The following CACNA1D variants were observed in gnomAD, a reference collection of about 807,000 sequenced individuals.
CACNA1D encodes the protein voltage-dependent L-type calcium channel subunit alpha-1D.
A neutral mutation model predicts 257.1 loss-of-function variants in CACNA1D; 55 were observed. That is an observed-to-expected ratio of 0.21 (90% CI 0.17 to 0.27). The LOEUF is 0.27. Among genes scored for constraint, CACNA1D ranks in the 10% least tolerant of loss-of-function variants. The probability of loss-of-function intolerance (pLI) is 1.00; values close to 1 mark genes in which losing one functional copy is unlikely to be tolerated. For missense variants in CACNA1D, 1,876 were observed against 2,784.0 expected (o/e 0.67, Z 7.34); for synonymous variants, 980 against 1,014.9 (o/e 0.97, Z 0.65).
intron 8 of CACNA1D, among the ~76,000 whole-genome samples, chr3:53,691,032 T>G (rs750025440): frequency 9.2e-5 from 14 of 152,238 alleles, no homozygotes; most frequent in Non-Finnish European, 1.6e-4. Flanking sequence ...GTAGCAGTAT[T>G]TGAAACCTGT....
intron 3 of CACNA1D, among the ~76,000 whole-genome samples, chr3:53,520,895 T>TTTC (rs1553713023): frequency 0.042 from 3,592 of 86,312 alleles, 61 homozygotes; most frequent in East Asian, 0.092. Flanking sequence ...TCTTTCTTTC[T>TTTC]TTTCTTTTCT....
chr3:53,542,088 A>G (rs184847370), intron 3 of CACNA1D, among the ~76,000 whole-genome samples: 4 of 152,314 alleles, frequency 2.6e-5, no homozygotes, highest in Non-Finnish European at 1.5e-5. Context: ...TGCTGGTTGC[A>G]TATATCTGTG....
At chr3:53,634,478 C>T (rs371201246) in intron 3 of CACNA1D, among the ~76,000 whole-genome samples, 12 of 152,272 alleles carry the variant, frequency 7.9e-5, no homozygotes, top group African/African-American at 2.9e-4. Context: ...TCTGAGTCTT[C>T]AATACCATTT....
At chr3:53,647,086 T>C (rs2680659) in intron 3 of CACNA1D, among the ~76,000 whole-genome samples, 16,825 of 152,042 alleles carry the variant, frequency 0.11, 1,256 homozygotes, top group African/African-American at 0.21. Context: ...ATTTCAGCCT[T>C]TGTTTCTCTA....
At chr3:53,533,590 G>C (rs946608786) in intron 3 of CACNA1D, among the ~76,000 whole-genome samples, 1 of 152,220 alleles carries the variant, frequency 6.6e-6, no homozygotes, top group Non-Finnish European at 1.5e-5. Flanking sequence ...AGGCAGACCT[G>C]GGATTCCCAG....
chr3:53,694,338 G>A (rs2094554666), intron 8 of CACNA1D, among the ~76,000 whole-genome samples: 1 of 152,184 alleles, frequency 6.6e-6, no homozygotes. Flanking sequence ...AGAGATGAGC[G>A]GAAAGGGGGC....
chr3:53,670,960 G>A (rs1430652628), intron 7 of CACNA1D, among the ~76,000 whole-genome samples: 6 of 152,162 alleles, frequency 3.9e-5, no homozygotes, highest in Non-Finnish European at 7.4e-5. Flanking sequence ...GAGCAAGACC[G>A]TTCTCAGAGC....
chr3:53,574,780 C>A (rs560289405), intron 3 of CACNA1D, among the ~76,000 whole-genome samples: 2 of 152,134 alleles, frequency 1.3e-5, no homozygotes, highest in Non-Finnish European at 1.5e-5. Flanking sequence ...ACCCAACCTG[C>A]AGGTTTGCTT....
intron 3 of CACNA1D, among the ~76,000 whole-genome samples, chr3:53,648,960 T>C (rs1256101144): frequency 6.6e-6 from 1 of 152,070 alleles, no homozygotes; most frequent in Non-Finnish European, 1.5e-5. Flanking sequence ...AGCCCTGTCC[T>C]TGGAAGGAAG....
chr3:53,512,200 C>G (rs547994799), intron 3 of CACNA1D, among the ~76,000 whole-genome samples: 8 of 152,282 alleles, frequency 5.3e-5, no homozygotes, highest in Admixed American at 2.6e-4. Flanking sequence ...TTCTAAAGCT[C>G]TTTTCAGAAT....
chr3:53,661,875 G>A (rs983531598), intron 5 of CACNA1D, among the ~76,000 whole-genome samples: 10 of 152,158 alleles, frequency 6.6e-5, no homozygotes, highest in African/African-American at 2.4e-4. Context: ...AGGGAGATTT[G>A]TATGTAACTC....
At chr3:53,554,725 C>T (rs1362227698) in intron 3 of CACNA1D, among the ~76,000 whole-genome samples, 2 of 152,198 alleles carry the variant, frequency 1.3e-5, no homozygotes, top group Non-Finnish European at 2.9e-5. Context: ...ACATTGGTGG[C>T]TTACATCTTA....
chr3:53,544,421 A>G (rs903080338), intron 3 of CACNA1D, among the ~76,000 whole-genome samples: 9 of 152,050 alleles, frequency 5.9e-5, no homozygotes, highest in Non-Finnish European at 1.3e-4. Flanking sequence ...GCTTCCTGAG[A>G]CAGAGGGGAC....
intron 3 of CACNA1D, among the ~76,000 whole-genome samples, chr3:53,578,525 G>A (rs1244662254): frequency 1.3e-5 from 2 of 152,160 alleles, no homozygotes; most frequent in Non-Finnish European, 2.9e-5. Context: ...AGGGCGTGGA[G>A]GAGGCAGCCT....
At chr3:53,521,953 C>G (rs1331579822) in intron 3 of CACNA1D, among the ~76,000 whole-genome samples, 3 of 143,036 alleles carry the variant, frequency 2.1e-5, no homozygotes, top group Non-Finnish European at 4.5e-5. Flanking sequence ...AGTGAGACCC[C>G]ATCTCTACCA....
At chr3:53,728,721 G>C (rs1401736512) in intron 15 of CACNA1D, among the ~76,000 whole-genome samples, 2 of 152,182 alleles carry the variant, frequency 1.3e-5, no homozygotes, top group Non-Finnish European at 2.9e-5. Flanking sequence ...CACTGTATCA[G>C]AGGTGCTTAG....
intron 3 of CACNA1D, among the ~76,000 whole-genome samples, chr3:53,619,198 G>T (rs2093669297): frequency 6.6e-6 from 1 of 152,144 alleles, no homozygotes; most frequent in African/African-American, 2.4e-5. Context: ...CCCAAGCCTT[G>T]CCCAGGGCTT....
chr3:53,748,832 G>T (rs1258985149), intron 26 of CACNA1D, among the ~76,000 whole-genome samples: 2 of 152,160 alleles, frequency 1.3e-5, no homozygotes, highest in East Asian at 1.9e-4. Flanking sequence ...CCTGTTAAGA[G>T]TTCCGCTAGG....
intron 30 of CACNA1D, among the ~76,000 whole-genome samples, chr3:53,768,626 A>G (rs1340419981): frequency 6.6e-6 from 1 of 152,194 alleles, no homozygotes. Flanking sequence ...TCCCATTCTG[A>G]GCATCCCAGG....
Sources: allele counts gnomAD v4.1 joint callset (sites outside exome capture counted in the v4.1 genomes callset), GRCh38; gene constraint gnomAD v4.1.1; transcripts MANE v1.5; gene names NCBI Gene and HGNC (gene_info 2026-07-23, HGNC 2026-07-21).